The following CDH13 variants were observed in gnomAD, a reference collection of about 807,000 sequenced individuals.
CDH13 encodes the protein cadherin-13.
CDH13 carries 24 observed loss-of-function variants against 63.8 expected under a neutral mutation model. That is an observed-to-expected ratio of 0.38 (90% confidence interval 0.27 to 0.53). The LOEUF is 0.53. CDH13 is among the 20% of genes least tolerant of loss of function. The pLI is 0.85. For missense variants in CDH13, 1,049 were observed against 903.1 expected, an observed-to-expected ratio of 1.16 and a Z score of -2.07; for synonymous variants, 503 against 355.3, an observed-to-expected ratio of 1.42 and a Z score of -4.67.
At chr16:83,449,495 T>A (rs7189706) in intron 6 of CDH13, among the ~76,000 whole-genome samples, 7 of 152,060 alleles carry the variant, frequency 4.6e-5, no homozygotes, top group Non-Finnish European at 8.8e-5. Context: ...TCTGGAAATA[T>A]CACTCGGTGA....
chr16:83,694,599 A>T (rs1367474908), intron 10 of CDH13, among the ~76,000 whole-genome samples: 13 of 152,208 alleles, frequency 8.5e-5, no homozygotes, highest in Admixed American at 8.5e-4. Flanking sequence ...ACATTTGCAT[A>T]TTCAGTTCCC....
intron 10 of CDH13, among the ~76,000 whole-genome samples, chr16:83,746,957 C>T (rs1912640151): frequency 1.3e-5 from 2 of 152,210 alleles, no homozygotes; most frequent in Admixed American, 1.3e-4. Context: ...GTCAAAACCC[C>T]TTAAAACAGT....
At chr16:83,319,035 AT>A (rs2090165433) in intron 5 of CDH13, among the ~76,000 whole-genome samples, 2 of 151,476 alleles carry the variant, frequency 1.3e-5, no homozygotes, top group South Asian at 4.2e-4. Flanking sequence ...TATAACATAT[AT>A]ATACATAGAC....
intron 1 of CDH13, among the ~76,000 whole-genome samples, chr16:82,648,234 T>C (rs574231639): frequency 3.9e-4 from 60 of 152,328 alleles, no homozygotes; most frequent in African/African-American, 1.4e-3. Context: ...TTTGGGGAAG[T>C]AATACACATC....
chr16:83,533,420 C>T (rs1445350215), intron 7 of CDH13, among the ~76,000 whole-genome samples: 1 of 152,112 alleles, frequency 6.6e-6, no homozygotes, highest in East Asian at 1.9e-4. Context: ...ACCTCCTCCT[C>T]TGTGGGCAGC....
intron 1 of CDH13, among the ~76,000 whole-genome samples, chr16:82,850,051 C>G (rs1401262188): frequency 6.6e-6 from 1 of 152,166 alleles, no homozygotes; most frequent in African/African-American, 2.4e-5. Context: ...CATTTTTCAG[C>G]CCGTGAATCC....
intron 2 of CDH13, among the ~76,000 whole-genome samples, chr16:82,927,296 C>G (rs1318533586): frequency 6.6e-6 from 1 of 152,094 alleles, no homozygotes; most frequent in African/African-American, 2.4e-5. Context: ...AAAATAAACT[C>G]CTACTCACGG....
chr16:82,863,351 G>A (rs1472796278), intron 2 of CDH13, among the ~76,000 whole-genome samples: 1 of 152,158 alleles, frequency 6.6e-6, no homozygotes. Flanking sequence ...CTCTCCCTGT[G>A]CCATCTTAGA....
At position 83,628,600 on chromosome 16, in the gene CDH13, C is replaced by A. The variant is rs1598391347; in HGVS notation, c.1101+26006C>A. 2.0e-5 allele frequency among the ~76,000 whole-genome samples: 3 copies of A among 152,166 alleles called. No individual in the cohort carries two copies. The East Asian group carries it at 5.8e-4, about 29-fold the overall frequency. Reference sequence around the variant, plus strand: ...AATTGCCCTTGATGCTAAGACTAACCACAAGCTCTTCCCAGTCTGTAGTTT... The same window carrying A: ...AATTGCCCTTGATGCTAAGACTAACAACAAGCTCTTCCCAGTCTGTAGTTT... On this transcript the variant is annotated intron_variant, in intron 8 of 13. Transcript: ENST00000567109.
chr16:83,431,140 C>T (rs28648032), intron 6 of CDH13, among the ~76,000 whole-genome samples: 1 of 151,856 alleles, frequency 6.6e-6, no homozygotes, highest in South Asian at 2.1e-4. Flanking sequence ...CTACAAAGGA[C>T]GTGAACTCAT....
At chr16:82,853,634 G>A (rs767360793) in intron 1 of CDH13, among the ~76,000 whole-genome samples, 19 of 152,176 alleles carry the variant, frequency 1.2e-4, no homozygotes, top group Non-Finnish European at 2.2e-4. Flanking sequence ...CTTATAGTCC[G>A]TCTGAAACGT....
In CDH13 at chr16:83,561,967, C is replaced by G. The variant is rs79145216; in HGVS notation, c.961-40487C>G. Among the ~76,000 whole-genome samples, 796 of 152,212 alleles carry G rather than the reference C, an allele frequency of 5.2e-3. 11 individuals carry two copies. Among genetic ancestry groups the G allele is most frequent in the African/African-American group, 0.018 (760 of 41,534 alleles). ...AATGGTTAGAGTCACAAATTGGAAT[C>G]CAGTGGAGCGATAGTGCCGCAGAGT... On this transcript the variant is annotated intron_variant, in intron 7 of 13. Transcript: ENST00000567109.
intron 8 of CDH13, among the ~76,000 whole-genome samples, chr16:83,649,598 C>G (rs11859158): frequency 1 from 151,945 of 152,286 alleles, 75,802 homozygotes; most frequent in Middle Eastern, 1. Context: ...AGTACATAGC[C>G]GGTGGGAGCC....
chr16:83,402,052 A>G (rs970771271), intron 6 of CDH13, among the ~76,000 whole-genome samples: 5 of 152,086 alleles, frequency 3.3e-5, no homozygotes, highest in Admixed American at 6.5e-5. Context: ...TTTCTTTCTC[A>G]TTGTATACTT....
At position 83,031,877 on chromosome 16, in the gene CDH13, G is replaced by C. The variant is rs1242103266; in HGVS notation, c.158-133G>C. On this transcript the variant is annotated intron_variant, in intron 2 of 13. Coordinates refer to ENST00000567109, the MANE Select transcript of CDH13 (RefSeq NM_001257.5). ...ACTTGGGCACAGGCATCTTGCTGTG[G>C]GATAAAACGTAACATTTGTGAACTC... The C allele has an allele frequency of 7.2e-6, 5 of 699,186 alleles. No homozygotes were observed. In the Admixed American group the frequency reaches 9.7e-5, roughly 14 times the overall value. 43.3% of individuals were successfully genotyped at this position (699,186 alleles called of 1,614,324 possible).
intron 10 of CDH13, among the ~76,000 whole-genome samples, chr16:83,715,295 T>C (rs1437858581): frequency 2.6e-5 from 4 of 152,218 alleles, no homozygotes; most frequent in Non-Finnish European, 5.9e-5. Context: ...ATTTACTTGA[T>C]CAGGGTTTGG....
intron 2 of CDH13, among the ~76,000 whole-genome samples, chr16:82,878,211 G>A (rs1365304808): frequency 6.6e-6 from 1 of 151,832 alleles, no homozygotes; most frequent in Non-Finnish European, 1.5e-5. Context: ...CAGGGTGGGT[G>A]GCAATGCTCC....
chr16:83,323,450 T>G (rs745816876), intron 5 of CDH13, among the ~76,000 whole-genome samples: 12 of 149,684 alleles, frequency 8.0e-5, no homozygotes, highest in Non-Finnish European at 1.8e-4. Flanking sequence ...CCGGCTAATT[T>G]TTGTATTTTT....
chr16:82,797,177 T>C (rs1194864355), intron 1 of CDH13, among the ~76,000 whole-genome samples: 1 of 152,196 alleles, frequency 6.6e-6, no homozygotes, highest in Admixed American at 6.5e-5. Flanking sequence ...ACTCTTTCAG[T>C]GTGGGGAGGA....
Sources: allele counts gnomAD v4.1 joint callset (sites outside exome capture counted in the v4.1 genomes callset), GRCh38; gene constraint gnomAD v4.1.1; transcripts MANE v1.5; gene names NCBI Gene and HGNC (gene_info 2026-07-23, HGNC 2026-07-21).